Variants in PDK1 observed in about 807,000 individuals in gnomAD.
PDK1 encodes [Pyruvate dehydrogenase (acetyl-transferring)] kinase isozyme 1, mitochondrial.
A neutral mutation model predicts 54.2 loss-of-function variants in PDK1; 39 were observed. The ratio of observed to expected loss-of-function variants is 0.72; its 90% CI spans 0.56 to 0.94. The LOEUF (loss-of-function observed/expected upper bound fraction) is 0.94. PDK1 is among the 40% of genes least tolerant of loss of function. The pLI is 0.00. For missense variants in PDK1, 552 were observed against 566.0 expected (o/e 0.98, Z 0.25); for synonymous variants, 221 against 207.1 (o/e 1.07, Z -0.58).
At chr2:172,621,813 T>TATGTATGATATATGTTTATATCTC in the PDK1 span, among the ~76,000 whole-genome samples, 1 of 133,874 alleles carries the variant, frequency 7.5e-6, no homozygotes, top group East Asian at 2.0e-4. Context: ...TTATATCTCA[T>TATGTATGATATATGTTTATATCTC]ATGTATGATA....
the PDK1 span, among the ~76,000 whole-genome samples, chr2:172,664,739 C>T: frequency 6.6e-6 from 1 of 152,086 alleles, no homozygotes; most frequent in Admixed American, 6.6e-5. Context: ...TTCACTTATG[C>T]CTTTCTTATT....
chr2:172,609,836 G>GT (rs200105724), downstream of PDK1, among the ~76,000 whole-genome samples: 910 of 151,848 alleles, frequency 6.0e-3, 6 homozygotes, highest in Non-Finnish European at 8.5e-3. Context: ...GTTTTGTTTT[G>GT]TTTTTTTTGA....
chr2:172,655,370 A>G, the PDK1 span, among the ~76,000 whole-genome samples: 1 of 152,180 alleles, frequency 6.6e-6, no homozygotes, highest in South Asian at 2.1e-4. Context: ...CACATTCATC[A>G]TTCCAGGTCT....
chr2:172,617,432 A>G, the PDK1 span, among the ~76,000 whole-genome samples: 1 of 152,144 alleles, frequency 6.6e-6, no homozygotes, highest in Admixed American at 6.5e-5. Flanking sequence ...TCTATAGAGA[A>G]TGAAAATTTA....
chr2:172,635,182 T>G, the PDK1 span, among the ~76,000 whole-genome samples: 1 of 152,272 alleles, frequency 6.6e-6, no homozygotes, highest in Non-Finnish European at 1.5e-5. Context: ...AGGATTTACA[T>G]GACTGCATAT....
intron 8 of PDK1, among the ~76,000 whole-genome samples, chr2:172,584,106 G>A (rs997542537): frequency 6.6e-6 from 1 of 152,116 alleles, no homozygotes; most frequent in South Asian, 2.1e-4. Context: ...CATGCCTTAC[G>A]AACATATCAG....
chr2:172,622,837 G>GATATATGTTTATATTATATGTAAT, the PDK1 span, among the ~76,000 whole-genome samples: 8 of 146,174 alleles, frequency 5.5e-5, no homozygotes, highest in African/African-American at 2.0e-4. Context: ...TATGTAATAT[G>GATATATGTTTATATTATATGTAAT]ATATATGTTT....
At chr2:172,698,918 C>A in the PDK1 span, among the ~76,000 whole-genome samples, 1 of 152,114 alleles carries the variant, frequency 6.6e-6, no homozygotes, top group African/African-American at 2.4e-5. Flanking sequence ...GGATGAGAAC[C>A]ATTACAGTAA....
intron 7 of PDK1, 109 bp from the exon 8 acceptor site, chr2:172,570,617 G>T: frequency 3.7e-6 from 2 of 535,538 alleles, no homozygotes; most frequent in Non-Finnish European, 3.2e-6. Flanking sequence ...TGATTCTTTG[G>T]CATATTTCCA....
chr2:172,591,787 T>C (rs1184531884), intron 9 of PDK1, among the ~76,000 whole-genome samples: 1 of 152,236 alleles, frequency 6.6e-6, no homozygotes, highest in Non-Finnish European at 1.5e-5. Flanking sequence ...ATTTCAATTA[T>C]TCCTTGCTAT....
chr2:172,628,346 G>A, the PDK1 span, among the ~76,000 whole-genome samples: 4 of 152,196 alleles, frequency 2.6e-5, no homozygotes, highest in African/African-American at 9.7e-5. Flanking sequence ...ACGGTGCCGG[G>A]CTAATAGAAC....
chr2:172,641,662 T>G, the PDK1 span, among the ~76,000 whole-genome samples: 1 of 152,088 alleles, frequency 6.6e-6, no homozygotes, highest in Non-Finnish European at 1.5e-5. Flanking sequence ...CAGGCTGATC[T>G]CAAACTCCTG....
chr2:172,677,559 A>G, the PDK1 span: 1 of 152,224 alleles, frequency 6.6e-6, no homozygotes, highest in Non-Finnish European at 1.5e-5. Context: ...TTGCAGCCAG[A>G]GGAAGAGGGC....
At chr2:172,557,900 T>G (rs1688436973) in intron 1 of PDK1, among the ~76,000 whole-genome samples, 1 of 150,812 alleles carries the variant, frequency 6.6e-6, no homozygotes, top group Non-Finnish European at 1.5e-5. Context: ...TCACCCAGGC[T>G]GGAGTGCAGT....
downstream of PDK1, among the ~76,000 whole-genome samples, chr2:172,609,840 T>TG (rs1406162621): frequency 1.3e-5 from 2 of 152,174 alleles, no homozygotes; most frequent in Non-Finnish European, 2.9e-5. Context: ...TGTTTTGTTT[T>TG]TTTTGAGATG....
chr2:172,721,071 G>T, the PDK1 span, among the ~76,000 whole-genome samples: 1 of 152,162 alleles, frequency 6.6e-6, no homozygotes, highest in Non-Finnish European at 1.5e-5. Flanking sequence ...CAATTTGTTA[G>T]AAATTTTAGC....
the PDK1 span, among the ~76,000 whole-genome samples, chr2:172,695,625 C>G: frequency 0.011 from 1,711 of 152,222 alleles, 35 homozygotes; most frequent in African/African-American, 0.038. Flanking sequence ...AGATGCCACT[C>G]CTGGAATTAT....
chr2:172,719,025 G>A, the PDK1 span, among the ~76,000 whole-genome samples: 5 of 152,064 alleles, frequency 3.3e-5, 1 homozygote, highest in Admixed American at 2.0e-4. Flanking sequence ...TCTATTTACT[G>A]TCTTTATAAT....
the PDK1 span, among the ~76,000 whole-genome samples, chr2:172,646,824 G>C: frequency 0.055 from 7,790 of 140,480 alleles, 453 homozygotes; most frequent in African/African-American, 0.15. Context: ...TATAACCTCT[G>C]CCTCCGAGGT....
Sources: allele counts gnomAD v4.1 joint callset (sites outside exome capture counted in the v4.1 genomes callset), GRCh38; gene constraint gnomAD v4.1.1; transcripts MANE v1.5; gene names NCBI Gene and HGNC (gene_info 2026-07-23, HGNC 2026-07-21).